The following TMOD2 variants were observed in gnomAD, a reference collection of about 807,000 sequenced individuals.
TMOD2 encodes the protein tropomodulin 2.
Under a neutral mutation model 39.9 loss-of-function variants are expected in TMOD2, and 22 were observed. The observed-to-expected ratio is 0.55, with a 90% CI of 0.39 to 0.79. The LOEUF (loss-of-function observed/expected upper bound fraction) is 0.79, where lower values mean the gene tolerates loss of function less well. TMOD2 is among the 30% of genes least tolerant of loss of function. TMOD2 has a pLI of 0.00. For missense variants in TMOD2, 386 were observed against 413.3 expected, an observed-to-expected ratio of 0.93 and a Z score of 0.57; for synonymous variants, 123 against 146.1, an observed-to-expected ratio of 0.84 and a Z score of 1.14.
chr15:51,776,868 T>TGTGC, intron 4 of TMOD2, 64 bp from the exon 5 acceptor site: 1 of 1,329,476 alleles, frequency 7.5e-7, no homozygotes, highest in Non-Finnish European at 1.1e-6. Flanking sequence ...AAGGGACAAA[T>TGTGC]TAACAATGTG....
At chr15:51,781,477 C>T (rs1032043331) in intron 6 of TMOD2, among the ~76,000 whole-genome samples, 2 of 152,230 alleles carry the variant, frequency 1.3e-5, no homozygotes, top group African/African-American at 4.8e-5. Context: ...CACAATTTTT[C>T]AGTGTCAGGA....
At chr15:51,772,179 C>T (rs8025619) in intron 3 of TMOD2, among the ~76,000 whole-genome samples, 2,499 of 152,192 alleles carry the variant, frequency 0.016, 30 homozygotes, top group Non-Finnish European at 0.029. Flanking sequence ...ACCAGGCTAG[C>T]GAAGGAGACC....
intron 4 of TMOD2, among the ~76,000 whole-genome samples, chr15:51,775,811 C>T (rs1001244719): frequency 3.9e-5 from 6 of 152,012 alleles, no homozygotes; most frequent in African/African-American, 1.4e-4. Flanking sequence ...TTCTTGACCT[C>T]GTGATCCGCC....
intron 7 of TMOD2, among the ~76,000 whole-genome samples, chr15:51,786,620 T>C (rs2055972067): frequency 6.6e-6 from 1 of 152,192 alleles, no homozygotes. Context: ...ACACCGCATG[T>C]GGCCAAGCCA....
Position 51,799,449 on chromosome 15 carries a change from C to G in TMOD2, c.876+1109C>G, listed in dbSNP as rs561653933. Among the ~76,000 whole-genome samples the G allele has an allele frequency of 5.9e-5, 9 of 152,318 alleles. No individual in the cohort carries two copies. The South Asian group carries it at 1.7e-3, about 28-fold the overall frequency. On this transcript the variant is annotated intron_variant, in intron 8 of 9. Transcript: ENST00000249700. ...GGCTCTATTCTCTGTCTTTGCTAAC[C>G]AGGACAAGCAGACTGTTTTCAGTGC...
rs148951174 is a variant in TMOD2 at position 51,753,105 on chromosome 15, G to A, written c.-70+1393G>A. On this transcript the variant is annotated intron_variant, in intron 1 of 9. Transcript: ENST00000249700. The stretch of plus-strand genomic sequence containing the variant: ...TGTGTATACACAGAAAAGAGAAGTT[G>A]CGTACTGATGGATCATTGTTTGAAA... Among the ~76,000 whole-genome samples the A allele has an allele frequency of 9.5e-3, 1,450 of 152,242 alleles. 22 individuals carry two copies. Among genetic ancestry groups the A allele is most frequent in the African/African-American group, 0.034 (1,398 of 41,538 alleles).
chr15:51,799,521 AG>A (rs3842661), intron 8 of TMOD2, among the ~76,000 whole-genome samples: 57,052 of 151,990 alleles, frequency 0.38, 10,902 homozygotes, highest in Middle Eastern at 0.44. Flanking sequence ...AGGGGAACAC[AG>A]AAAGCCCACT....
intron 1 of TMOD2, among the ~76,000 whole-genome samples, chr15:51,758,048 C>T (rs1033185892): frequency 1.3e-5 from 2 of 151,678 alleles, no homozygotes; most frequent in Non-Finnish European, 2.9e-5. Flanking sequence ...TCATTGCACT[C>T]CAGCCTGGGG....
rs1465401357 is a variant in TMOD2, at chr15:51,814,921, A to G, written c.*6467A>G. On this transcript the variant is annotated 3_prime_UTR_variant, in exon 10 of 10. Coordinates refer to ENST00000249700, the MANE Select transcript of TMOD2 (RefSeq NM_014548.4). ...TCTTCAGCAGTTCTTTACTGTCTTC[A>G]GAATGGTTCTGGATAAGCGGCCTTT... 6.6e-6 allele frequency: 1 copy of G among 152,240 alleles called. No homozygotes were observed. The highest frequency in any genetic ancestry group is 1.9e-4 in the East Asian group (1 of 5,194). 9.4% of individuals were successfully genotyped at this position (152,240 alleles called of 1,614,324 possible).
Position 51,768,278 on chromosome 15 carries a change from C to A in TMOD2, c.143C>A (p.Ala48Asp), listed in dbSNP as rs746656513. 4.3e-6 allele frequency: 7 copies of A among 1,614,174 alleles called. No homozygotes were observed. Among genetic ancestry groups the A allele is most frequent in the Non-Finnish European group, 5.9e-6 (7 of 1,180,022 alleles). ...DLDPESAMLPAGFRQKDQTQK... is the reference protein window; with the variant it reads ...DLDPESAMLPDGFRQKDQTQK... ...TCTTGTCAGAGTGCCATGCTGCCAG[C>A]TGGATTTCGACAGAAAGACCAGACA... Residue 48 changes from alanine to aspartate, a missense_variant, in exon 3 of 10, where the codon GCT becomes GAT. Physicochemically the swap from Ala to Asp is moderately radical, Grantham distance 126. Coordinates refer to ENST00000249700, the MANE Select transcript of TMOD2 (RefSeq NM_014548.4).
At chr15:51,769,640 G>C (rs2055840190) in intron 3 of TMOD2, among the ~76,000 whole-genome samples, 1 of 152,190 alleles carries the variant, frequency 6.6e-6, no homozygotes, top group African/African-American at 2.4e-5. Context: ...ACTATCAATA[G>C]CCTGTCCAGC....
intron 1 of TMOD2, among the ~76,000 whole-genome samples, chr15:51,758,154 G>T (rs1444983428): frequency 6.6e-6 from 1 of 151,952 alleles, no homozygotes; most frequent in East Asian, 1.9e-4. Flanking sequence ...CCAGGAGGAT[G>T]CAAGTTTTTT....
chr15:51,814,440 A>C lies in TMOD2; in HGVS notation c.*5986A>C, dbSNP rs1238325885. 3 of 152,264 alleles carry C rather than the reference A, an allele frequency of 2.0e-5. No homozygotes were observed. The allele number at this position is 152,264 out of a possible 1,614,324, so 9.4% of individuals were successfully genotyped here. ...ATATTTCTGCTAAGAAAGGTTTTGA[A>C]GCATGGCCTCCAATGACTTTCATAA... On this transcript the variant is annotated 3_prime_UTR_variant, in exon 10 of 10. Coordinates refer to ENST00000249700, the MANE Select transcript of TMOD2 (RefSeq NM_014548.4).
intron 8 of TMOD2, among the ~76,000 whole-genome samples, chr15:51,805,445 G>A (rs1001551056): frequency 6.6e-6 from 1 of 152,086 alleles, no homozygotes; most frequent in Non-Finnish European, 1.5e-5. Context: ...CAATAAAGCT[G>A]CTCAGAATCA....
intron 4 of TMOD2, among the ~76,000 whole-genome samples, chr15:51,775,549 C>G (rs936777556): frequency 6.7e-6 from 1 of 149,526 alleles, no homozygotes; most frequent in Non-Finnish European, 1.5e-5. Context: ...TTCACAGAGA[C>G]ACAGTGACAA....
chr15:51,773,591 G>A, intron 3 of TMOD2, 121 bp from the exon 4 acceptor site: 3 of 935,976 alleles, frequency 3.2e-6, no homozygotes, highest in Non-Finnish European at 3.1e-6. Context: ...AATCTCGGTT[G>A]GATATGAACT....
chr15:51,765,425 T>C (rs1285861084), intron 1 of TMOD2, among the ~76,000 whole-genome samples: 1 of 152,266 alleles, frequency 6.6e-6, no homozygotes, highest in Non-Finnish European at 1.5e-5. Context: ...TTGTTTATCT[T>C]TGTATTTCTG....
At chr15:51,767,601 G>A (rs185247576) in intron 2 of TMOD2, among the ~76,000 whole-genome samples, 5 of 150,120 alleles carry the variant, frequency 3.3e-5, no homozygotes, top group East Asian at 1.9e-4. Context: ...AAATTGCTCC[G>A]TGTAATTTTT....
At chr15:51,808,183 C>T (rs1018245876) in intron 9 of TMOD2, among the ~76,000 whole-genome samples, 4 of 151,990 alleles carry the variant, frequency 2.6e-5, no homozygotes, top group African/African-American at 4.8e-5. Context: ...CATAGAAATT[C>T]GAAGGTTCTA....
Sources: allele counts gnomAD v4.1 joint callset (sites outside exome capture counted in the v4.1 genomes callset), GRCh38; gene constraint gnomAD v4.1.1; transcripts MANE v1.5; gene names NCBI Gene and HGNC (gene_info 2026-07-23, HGNC 2026-07-21).